GUCY1A2: variants seen among roughly 807,000 people sequenced by gnomAD.
GUCY1A2 encodes the protein guanylate cyclase 1 soluble subunit alpha 2.
A neutral mutation model predicts 63.5 loss-of-function variants in GUCY1A2; 27 were observed. That is an observed-to-expected ratio of 0.43 (90% confidence interval 0.31 to 0.59). GUCY1A2 has a LOEUF of 0.59. GUCY1A2 is among the 20% of genes least tolerant of loss of function. The probability of loss-of-function intolerance (pLI) is 0.11; values close to 1 mark genes in which losing one functional copy is unlikely to be tolerated. For missense variants in GUCY1A2, 768 were observed against 913.3 expected (o/e 0.84, Z 2.05); for synonymous variants, 364 against 343.5 (o/e 1.06, Z -0.66).
intron 1 of GUCY1A2, among the ~76,000 whole-genome samples, chr11:106,999,589 A>C (rs1177598104): frequency 3.3e-5 from 5 of 152,146 alleles, no homozygotes; most frequent in Non-Finnish European, 7.4e-5. Context: ...TTATTTGTAG[A>C]TCCTTATTAG....
chr11:106,888,475 G>GA (rs147826868), intron 4 of GUCY1A2, among the ~76,000 whole-genome samples: 6,289 of 150,190 alleles, frequency 0.042, 144 homozygotes, highest in East Asian at 0.095. Flanking sequence ...AAAAAAGAAA[G>GA]AAAAAAAAAT....
At chr11:106,801,875 A>C (rs1181756170) in intron 5 of GUCY1A2, among the ~76,000 whole-genome samples, 3 of 152,148 alleles carry the variant, frequency 2.0e-5, no homozygotes, top group Non-Finnish European at 4.4e-5. Flanking sequence ...TTGAAATAAA[A>C]ATTTAAAAAC....
intron 4 of GUCY1A2, among the ~76,000 whole-genome samples, chr11:106,828,686 A>G (rs1405915566): frequency 6.6e-6 from 1 of 152,186 alleles, no homozygotes; most frequent in East Asian, 1.9e-4. Flanking sequence ...TCACAAGGCA[A>G]ACTCGCAAGA....
At chr11:106,733,916 A>G (rs183744865) in intron 6 of GUCY1A2, among the ~76,000 whole-genome samples, 45 of 152,200 alleles carry the variant, frequency 3.0e-4, no homozygotes, top group African/African-American at 9.6e-4. Flanking sequence ...CTCCTAGGGG[A>G]GCATTCCTCT....
chr11:106,874,054 G>A (rs1288912745), intron 4 of GUCY1A2, among the ~76,000 whole-genome samples: 2 of 152,086 alleles, frequency 1.3e-5, no homozygotes, highest in Non-Finnish European at 2.9e-5. Flanking sequence ...GAATATTTTA[G>A]TAGCCTGTTC....
intron 6 of GUCY1A2, among the ~76,000 whole-genome samples, chr11:106,762,571 A>G (rs1157942974): frequency 6.6e-6 from 1 of 152,162 alleles, no homozygotes; most frequent in Non-Finnish European, 1.5e-5. Flanking sequence ...ATTATTATGA[A>G]GAAAATTATT....
chr11:106,852,679 C>T (rs1000755464), intron 4 of GUCY1A2, among the ~76,000 whole-genome samples: 1 of 152,002 alleles, frequency 6.6e-6, no homozygotes, highest in African/African-American at 2.4e-5. Flanking sequence ...GGTAAATGAT[C>T]ATTTTGATGT....
intron 4 of GUCY1A2, among the ~76,000 whole-genome samples, chr11:106,838,227 A>G (rs2135441332): frequency 6.6e-6 from 1 of 152,050 alleles, no homozygotes; most frequent in South Asian, 2.1e-4. Flanking sequence ...CTCTTGTAGT[A>G]TGTCTCCGTG....
At chr11:106,832,579 T>C (rs1357016484) in intron 4 of GUCY1A2, among the ~76,000 whole-genome samples, 1 of 152,102 alleles carries the variant, frequency 6.6e-6, no homozygotes, top group African/African-American at 2.4e-5. Flanking sequence ...CGTCTTTCAC[T>C]ATCACTAGAG....
chr11:106,812,638 A>T (rs953246167), intron 4 of GUCY1A2, among the ~76,000 whole-genome samples: 43 of 146,688 alleles, frequency 2.9e-4, no homozygotes, highest in African/African-American at 9.0e-4. Flanking sequence ...AATATATATT[A>T]TTTCCTATAT....
At chr11:106,786,228 CAAA>C (rs1163463179) in intron 5 of GUCY1A2, among the ~76,000 whole-genome samples, 1 of 152,030 alleles carries the variant, frequency 6.6e-6, no homozygotes, top group Non-Finnish European at 1.5e-5. Flanking sequence ...CAAACAAAAA[CAAA>C]AACAAAACAA....
chr11:106,901,976 T>C (rs1458148146), intron 4 of GUCY1A2, among the ~76,000 whole-genome samples: 1 of 152,016 alleles, frequency 6.6e-6, no homozygotes, highest in African/African-American at 2.4e-5. Flanking sequence ...TTCCAGAAGG[T>C]TTTCAATTTA....
At chr11:106,869,867 C>T (rs550835765) in intron 4 of GUCY1A2, among the ~76,000 whole-genome samples, 85 of 152,130 alleles carry the variant, frequency 5.6e-4, no homozygotes, top group African/African-American at 2.0e-3. Context: ...AAATGTCCAA[C>T]AATGATAGAG....
chr11:106,915,482 T>C (rs1860358420), intron 4 of GUCY1A2, among the ~76,000 whole-genome samples: 1 of 152,052 alleles, frequency 6.6e-6, no homozygotes, highest in Non-Finnish European at 1.5e-5. Flanking sequence ...CGACAACACA[T>C]GTAAAAGTGC....
chr11:106,904,884 TTC>T (rs1368690412), intron 4 of GUCY1A2, among the ~76,000 whole-genome samples: 5 of 152,074 alleles, frequency 3.3e-5, no homozygotes, highest in African/African-American at 4.8e-5. Context: ...TTCTAGGTAG[TTC>T]TGACTCTTGA....
chr11:106,679,555 T>C lies in GUCY1A2; in HGVS notation c.*7994A>G, dbSNP rs1862398271. On this transcript the variant is annotated 3_prime_UTR_variant, in exon 8 of 8. Transcript: ENST00000526355. Reference sequence around the variant, plus strand: ...TCAACTAAGGGAATATGTAATTTATTTAATGTCAGAACAACAACAAATGTT... The same window carrying C: ...TCAACTAAGGGAATATGTAATTTATCTAATGTCAGAACAACAACAAATGTT... 4.9e-6 allele frequency: 1 copy of C among 202,840 alleles called. No individual in the cohort carries two copies. The highest frequency in any genetic ancestry group is 1.0e-5 in the Non-Finnish European group (1 of 98,796). The allele number at this position is 202,840 out of a possible 1,614,324, so 12.6% of individuals were successfully genotyped here.
At chr11:106,723,462 C>T (rs533754670) in intron 6 of GUCY1A2, among the ~76,000 whole-genome samples, 41 of 152,324 alleles carry the variant, frequency 2.7e-4, no homozygotes, top group African/African-American at 9.4e-4. Context: ...GATATAACAA[C>T]ATTTTTCTCA....
chr11:106,827,193 C>A (rs537354552), intron 4 of GUCY1A2: 103 of 1,508,968 alleles, frequency 6.8e-5, no homozygotes, highest in Admixed American at 1.0e-4. Context: ...CTGGTCCCAA[C>A]GCACTGCCTA....
At chr11:106,766,545 A>T (rs1864166281) in intron 6 of GUCY1A2, among the ~76,000 whole-genome samples, 1 of 102,692 alleles carries the variant, frequency 9.7e-6, no homozygotes, top group African/African-American at 3.4e-5. Flanking sequence ...GTTTTCAGAG[A>T]TCTTTTTTTT....
Sources: allele counts gnomAD v4.1 joint callset (sites outside exome capture counted in the v4.1 genomes callset), GRCh38; gene constraint gnomAD v4.1.1; transcripts MANE v1.5; gene names NCBI Gene and HGNC (gene_info 2026-07-23, HGNC 2026-07-21).